DIAPH2: variants seen among roughly 807,000 people sequenced by gnomAD.
DIAPH2 encodes protein diaphanous homolog 2.
Under a neutral mutation model 92.7 loss-of-function variants are expected in DIAPH2, and 35 were observed. The ratio of observed to expected loss-of-function variants is 0.38; its 90% CI spans 0.29 to 0.50. The LOEUF (loss-of-function observed/expected upper bound fraction) is 0.50. Among genes scored for constraint, DIAPH2 ranks in the 20% least tolerant of loss-of-function variants. The pLI is 0.94. For synonymous variants in DIAPH2, 301 were observed against 280.4 expected, an observed-to-expected ratio of 1.07 and a Z score of -0.73; for missense variants, 701 against 819.5, an observed-to-expected ratio of 0.86 and a Z score of 1.77.
At chrX:96,888,451 T>C (rs918650686) in intron 5 of DIAPH2, among the ~76,000 whole-genome samples, 4 of 106,111 alleles carry the variant, frequency 3.8e-5, no homozygotes, top group Non-Finnish European at 7.7e-5. Context: ...TGAAAAATTA[T>C]GTGTGATATG....
At chrX:97,178,733 C>T (rs1347433892) in intron 22 of DIAPH2, among the ~76,000 whole-genome samples, 1 of 111,093 alleles carries the variant, frequency 9.0e-6, no homozygotes, top group Non-Finnish European at 1.9e-5. Flanking sequence ...CTCCAAAATT[C>T]ATGTGTTGAA....
intron 22 of DIAPH2, among the ~76,000 whole-genome samples, chrX:97,212,584 T>G (rs2067849229): frequency 1.2e-5 from 1 of 85,237 alleles, no homozygotes; most frequent in African/African-American, 4.0e-5. Flanking sequence ...AATCTTAGGG[T>G]TTTTTGTTTT....
intron 26 of DIAPH2, among the ~76,000 whole-genome samples, chrX:97,461,455 A>G (rs996890972): frequency 9.0e-6 from 1 of 111,668 alleles, no homozygotes; most frequent in Non-Finnish European, 1.9e-5. Context: ...ATAACATTAC[A>G]TTTTGGAGTA....
chrX:96,821,082 A>AT (rs749670092), intron 4 of DIAPH2, among the ~76,000 whole-genome samples: 101 of 111,646 alleles, frequency 9.0e-4, no homozygotes, highest in Non-Finnish European at 1.7e-3. Context: ...GCGCCAAGTG[A>AT]TAGGAGAATC....
chrX:97,293,454 T>C (rs983117894), intron 23 of DIAPH2, among the ~76,000 whole-genome samples: 1 of 109,902 alleles, frequency 9.1e-6, no homozygotes, highest in Admixed American at 9.8e-5. Context: ...GGTTTCACCA[T>C]GTTGGCCAGG....
intron 26 of DIAPH2, among the ~76,000 whole-genome samples, chrX:97,573,447 T>G (rs1238763260): frequency 1.8e-5 from 2 of 110,990 alleles, no homozygotes; most frequent in East Asian, 2.8e-4. Context: ...AGGAATGTTT[T>G]TCTTACCATT....
chrX:97,452,394 CA>C (rs2070366326), intron 26 of DIAPH2, among the ~76,000 whole-genome samples: 1 of 111,628 alleles, frequency 9.0e-6, no homozygotes, highest in Admixed American at 9.5e-5. Context: ...AACTTATGAA[CA>C]GAAGCTATCA....
intron 22 of DIAPH2, among the ~76,000 whole-genome samples, chrX:97,195,689 T>C (rs1602409305): frequency 9.6e-6 from 1 of 103,644 alleles, no homozygotes; most frequent in South Asian, 4.3e-4. Flanking sequence ...AGTGGATAGA[T>C]TGCTAATAAA....
At chrX:97,086,170 C>G (rs923419345) in intron 19 of DIAPH2, among the ~76,000 whole-genome samples, 3 of 111,925 alleles carry the variant, frequency 2.7e-5, no homozygotes, top group African/African-American at 9.8e-5. Flanking sequence ...TCCCTTCAGC[C>G]TTATACACAT....
At chrX:97,193,081 TG>T (rs1231780258) in intron 22 of DIAPH2, among the ~76,000 whole-genome samples, 33 of 103,622 alleles carry the variant, frequency 3.2e-4, no homozygotes, top group Non-Finnish European at 1.2e-4. Context: ...GGTGCCATCT[TG>T]GCCCACTGCA....
In DIAPH2 at chrX:96,702,771, A is replaced by T. The variant is rs763551121; in HGVS notation, c.132+17581A>T. ...AGTCCAAGATCAGGGTACCAGCTTGATAGAGTTCTGGTAAGGGCCCTCTTC... is the reference window on the plus strand; with the variant it reads ...AGTCCAAGATCAGGGTACCAGCTTGTTAGAGTTCTGGTAAGGGCCCTCTTC... On this transcript the variant is annotated intron_variant, in intron 1 of 26. Coordinates refer to ENST00000324765, the MANE Select transcript of DIAPH2 (RefSeq NM_006729.5). Among the ~76,000 whole-genome samples the T allele has an allele frequency of 1.3e-3, 147 of 111,947 alleles. 1 individual carries two copies. Among genetic ancestry groups the T allele is most frequent in the Admixed American group, 3.0e-3 (32 of 10,561 alleles).
At chrX:96,864,595 T>TTG (rs1482984690) in intron 4 of DIAPH2, among the ~76,000 whole-genome samples, 1 of 111,890 alleles carries the variant, frequency 8.9e-6, no homozygotes, top group Non-Finnish European at 1.9e-5. Flanking sequence ...TTGGAATGTC[T>TTG]TGTGTGTGTG....
chrX:97,047,317 T>A (rs903607020), intron 17 of DIAPH2, among the ~76,000 whole-genome samples: 8 of 110,663 alleles, frequency 7.2e-5, no homozygotes, highest in Non-Finnish European at 1.5e-4. Context: ...TTCCGTTGTG[T>A]TTATCTAGTT....
chrX:97,476,267 G>A (rs887114976), intron 26 of DIAPH2, among the ~76,000 whole-genome samples: 3 of 111,908 alleles, frequency 2.7e-5, no homozygotes, highest in Non-Finnish European at 5.6e-5. Flanking sequence ...CCTTCCACAC[G>A]GAGTTAAGAG....
At chrX:97,237,439 A>G (rs2068056644) in intron 22 of DIAPH2, among the ~76,000 whole-genome samples, 1 of 110,997 alleles carries the variant, frequency 9.0e-6, no homozygotes, top group Non-Finnish European at 1.9e-5. Flanking sequence ...CTCCAGGAGA[A>G]GACTATTCAG....
At chrX:97,064,655 C>A (rs2066621981) in intron 17 of DIAPH2, among the ~76,000 whole-genome samples, 1 of 110,961 alleles carries the variant, frequency 9.0e-6, no homozygotes, top group African/African-American at 3.3e-5. Context: ...GGATACCAAG[C>A]CATGTATAAT....
At chrX:97,192,512 AAC>A (rs2147481534) in intron 22 of DIAPH2, among the ~76,000 whole-genome samples, 1 of 110,779 alleles carries the variant, frequency 9.0e-6, no homozygotes, top group East Asian at 2.8e-4. Flanking sequence ...CATTTGCTAA[AAC>A]ACTGTTCTGT....
At chrX:96,894,180 G>A (rs1425731127) in intron 5 of DIAPH2, among the ~76,000 whole-genome samples, 1 of 111,199 alleles carries the variant, frequency 9.0e-6, no homozygotes, top group Non-Finnish European at 1.9e-5. Context: ...GCAGCATCCA[G>A]TGTTATTGAA....
At chrX:97,120,815 A>C (rs145010101) in intron 21 of DIAPH2, among the ~76,000 whole-genome samples, 34 of 110,021 alleles carry the variant, frequency 3.1e-4, no homozygotes, top group African/African-American at 1.1e-3. Flanking sequence ...TATCATACCA[A>C]CTATACAAAG....
Sources: allele counts gnomAD v4.1 joint callset (sites outside exome capture counted in the v4.1 genomes callset), GRCh38; gene constraint gnomAD v4.1.1; transcripts MANE v1.5; gene names NCBI Gene and HGNC (gene_info 2026-07-23, HGNC 2026-07-21).